The following AMOT variants were observed in gnomAD, a reference collection of about 807,000 sequenced individuals.
The protein encoded by AMOT is angiomotin.
In AMOT, 11 loss-of-function variants were observed where a neutral mutation model predicts 67.0. The ratio of observed to expected loss-of-function variants is 0.16; its 90% confidence interval spans 0.10 to 0.27. The LOEUF is 0.27. Ranked by LOEUF, AMOT falls within the 10% of genes least tolerant of loss-of-function variation. AMOT has a pLI of 1.00. For missense variants in AMOT, 753 were observed against 852.0 expected, an observed-to-expected ratio of 0.88 and a Z score of 1.45; for synonymous variants, 326 against 321.4, an observed-to-expected ratio of 1.01 and a Z score of -0.15.
At chrX:112,801,101 C>T (rs907162865) in intron 8 of AMOT, among the ~76,000 whole-genome samples, 3 of 111,459 alleles carry the variant, frequency 2.7e-5, no homozygotes, top group African/African-American at 9.8e-5. Context: ...AACAATTACC[C>T]AAGCCGCTTC....
At chrX:112,839,447 G>A (rs1935230137) in intron 1 of AMOT, among the ~76,000 whole-genome samples, 1 of 111,815 alleles carries the variant, frequency 8.9e-6, no homozygotes, top group Non-Finnish European at 1.9e-5. Flanking sequence ...TTCTCTGAAT[G>A]GGAGAAGAGG....
intron 8 of AMOT, among the ~76,000 whole-genome samples, chrX:112,792,705 G>A (rs2147788666): frequency 8.9e-6 from 1 of 111,820 alleles, no homozygotes; most frequent in Admixed American, 9.5e-5. Flanking sequence ...TCATGAGCCT[G>A]AATTGGAGAC....
At chrX:112,838,331 G>A (rs778591072) in intron 1 of AMOT, among the ~76,000 whole-genome samples, 3 of 112,058 alleles carry the variant, frequency 2.7e-5, no homozygotes. Flanking sequence ...ATCAAAGGAA[G>A]AAAGGGGGAT....
intron 8 of AMOT, among the ~76,000 whole-genome samples, chrX:112,800,611 G>A (rs1933984552): frequency 8.9e-6 from 1 of 112,006 alleles, no homozygotes; most frequent in Non-Finnish European, 1.9e-5. Context: ...CTAATATCAG[G>A]GAAGCAGGAA....
Position 112,817,241 on chromosome X carries a change from G to A in AMOT, c.873-1364C>T, listed in dbSNP as rs763408081. 2.7e-5 allele frequency among the ~76,000 whole-genome samples: 3 copies of A among 112,043 alleles called. No homozygotes were observed. In the South Asian group the frequency reaches 1.1e-3, roughly 42 times the overall value. ...ATCTGCATGAGCCCATTTTATTCTT[G>A]AGGTCACAAATAAATTGCAAAAATA... On this transcript the variant is annotated intron_variant, in intron 4 of 13. Transcript: ENST00000371959.
chrX:112,814,614 G>A (rs984823339), intron 5 of AMOT, among the ~76,000 whole-genome samples: 1 of 112,189 alleles, frequency 8.9e-6, no homozygotes, highest in Non-Finnish European at 1.9e-5. Context: ...CCTCGCTTGG[G>A]GTACTCCAGA....
At position 112,778,975 on chromosome X, in the gene AMOT, AC is replaced by A; in HGVS notation, c.3157+21del. The A allele has an allele frequency of 2.5e-6, 3 of 1,195,779 alleles. No individual in the cohort carries two copies. The South Asian group carries it at 5.4e-5, about 22-fold the overall frequency. ...TGAGAGCAGAACTAAACCAAAACCT[AC>A]CTGCTAAAGGGAATAATTACCTGTT... On this transcript the variant is annotated intron_variant, in intron 13 of 13. Coordinates refer to ENST00000371959, the MANE Select transcript of AMOT (RefSeq NM_001113490.2).
Position 112,815,718 on chromosome X carries a change from G to T in AMOT, c.1032C>A (p.Asp344Glu). The T allele has an allele frequency of 8.6e-7, 1 of 1,168,070 alleles. No homozygotes were observed. The highest frequency in any genetic ancestry group is 1.1e-6 in the Non-Finnish European group (1 of 873,314). The change falls in exon 5 of 14, where the codon GAC becomes GAA. Residue 344 changes from aspartate to glutamate, a missense_variant. Transcript: ENST00000371959. ...GCGGCCTAGGCAGGTGAGCTGAATG[G>T]TCTCCCTGGTTTGGGACCAAGGGGT... ...ARHPLVPNQG[D>E]HSAHLPRPQQ...
At chrX:112,803,794 C>A (rs1414599312) in intron 8 of AMOT, among the ~76,000 whole-genome samples, 1 of 112,513 alleles carries the variant, frequency 8.9e-6, no homozygotes, top group Non-Finnish European at 1.9e-5. Context: ...TATACAATAG[C>A]CAGAATGCTT....
intron 7 of AMOT, among the ~76,000 whole-genome samples, chrX:112,805,370 TACACACACACACACACACACAC>T (rs55909349): frequency 4.5e-5 from 4 of 89,596 alleles, no homozygotes; most frequent in South Asian, 6.8e-4. Flanking sequence ...ATACAAAGAA[TACACACACACACACACACACAC>T]ACACACACAC....
rs145237924 is a variant in AMOT at position 112,805,056 on chromosome X, G to A, written c.1667C>T (p.Ala556Val). The change falls in exon 8 of 14, where the codon GCG becomes GTG. Residue 556 changes from alanine to valine, a missense_variant. By Grantham distance (64) the Ala-to-Val change is moderately conservative (BLOSUM62 0). Coordinates refer to ENST00000371959, the MANE Select transcript of AMOT (RefSeq NM_001113490.2). ...ESQREKEKLE[A>V]ELATARSTNE... ...GGTAGAACGGGCAGTGGCCAGCTCC[G>A]CTTCCAGCTTCTCCTTCTCACGCTG... The A allele has an allele frequency of 2.1e-4, 260 of 1,209,534 alleles. 1 individual carries two copies. The African/African-American group carries it at 4.1e-3, about 19-fold the overall frequency.
rs375533928 is a variant in AMOT, at chrX:112,791,875, C to T, written c.1883G>A (p.Arg628Gln). The change falls in exon 9 of 14, where the codon CGG becomes CAG. Residue 628 changes from arginine (R) to glutamine (Q), a missense_variant. Transcript: ENST00000371959. Reference protein sequence around the residue: ...EKREQLEHRLRTRLERELESL... With the variant: ...EKREQLEHRLQTRLERELESL... ...TTCCAGTTCCCTCTCCAGTCGTGTC[C>T]GGAGACGGTGCTCTAGCTGCTCACG... 1.7e-5 allele frequency: 20 copies of T among 1,210,120 alleles called. No individual in the cohort carries two copies. The highest frequency in any genetic ancestry group is 3.5e-5 in the African/African-American group (2 of 57,223).
intron 7 of AMOT, 36 bp downstream of exon 7, chrX:112,809,858 C>T (rs1286021640): frequency 1.7e-6 from 2 of 1,152,578 alleles, no homozygotes; most frequent in Non-Finnish European, 2.4e-6. Flanking sequence ...CTCCCATCCA[C>T]ACGTTAATAC....
At position 112,825,056 on chromosome X, in the gene AMOT, C is replaced by CAG. The variant is rs1934811612; in HGVS notation, c.-63+14_-63+15dup. 9.1e-6 allele frequency: 1 copy of CAG among 109,363 alleles called. No homozygotes were observed. Among genetic ancestry groups the CAG allele is most frequent in the African/African-American group, 3.4e-5 (1 of 29,664 alleles). 9.0% of individuals were successfully genotyped at this position (109,363 alleles called of 1,213,427 possible). A position where few individuals can be genotyped will look rare whatever the true frequency, so the allele number is the denominator to read the frequency against. On this transcript the variant is annotated intron_variant, in intron 3 of 13. Coordinates refer to ENST00000371959, the MANE Select transcript of AMOT (RefSeq NM_001113490.2). ...GTGTGCACACACACACACACACACA[C>CAG]AGAAATATTCCATACCTATTTCTGC...
intron 8 of AMOT, among the ~76,000 whole-genome samples, chrX:112,802,464 C>A (rs1250826292): frequency 5.4e-5 from 6 of 112,103 alleles, no homozygotes; most frequent in East Asian, 2.8e-4. Context: ...GTCTTCCAAG[C>A]GTTTATATGT....
intron 1 of AMOT, among the ~76,000 whole-genome samples, chrX:112,834,599 G>A (rs886890669): frequency 1.5e-4 from 17 of 111,998 alleles, no homozygotes; most frequent in Admixed American, 1.0e-3. Flanking sequence ...AATGAGCCAC[G>A]AATTGTACAG....
At chrX:112,806,262 T>C (rs1242685744) in intron 7 of AMOT, among the ~76,000 whole-genome samples, 1 of 107,141 alleles carries the variant, frequency 9.3e-6, no homozygotes, top group Non-Finnish European at 1.9e-5. Flanking sequence ...CAAGACTCCA[T>C]CTCAAAAAAA....
chrX:112,781,144 T>G, intron 11 of AMOT, 26 bp from the exon 12 acceptor site: 2 of 1,184,260 alleles, frequency 1.7e-6, no homozygotes, highest in Non-Finnish European at 2.3e-6. Flanking sequence ...AAAGAACATA[T>G]AAAGACCTTG....
At chrX:112,817,619 C>T (rs1216019065) in intron 4 of AMOT, among the ~76,000 whole-genome samples, 1 of 112,116 alleles carries the variant, frequency 8.9e-6, no homozygotes, top group Non-Finnish European at 1.9e-5. Context: ...AGTCCTCAAA[C>T]CTGTACAAAC....
Sources: gnomAD v4.1 joint callset for allele counts (sites outside exome capture counted in the v4.1 genomes callset) on GRCh38, gnomAD v4.1.1 for gene constraint, MANE v1.5 for transcripts, NCBI Gene and HGNC (gene_info 2026-07-23, HGNC 2026-07-21) for gene names.